MORN4: variants seen among roughly 807,000 people sequenced by gnomAD.
MORN4 encodes the protein MORN repeat-containing protein 4.
A neutral mutation model predicts 16.4 loss-of-function variants in MORN4; 8 were observed. The observed-to-expected ratio is 0.49, with a 90% CI of 0.29 to 0.88. MORN4 has a LOEUF of 0.88. Among genes scored for constraint, MORN4 ranks in the 40% least tolerant of loss-of-function variants. MORN4 has a pLI of 0.09. For synonymous variants in MORN4, 53 were observed against 68.9 expected (o/e 0.77, Z 1.14); for missense variants, 159 against 182.9 (o/e 0.87, Z 0.75).
intron 1 of MORN4, among the ~76,000 whole-genome samples, chr10:97,621,420 A>C (rs2041292483): frequency 6.6e-6 from 1 of 152,234 alleles, no homozygotes; most frequent in Admixed American, 6.5e-5. Flanking sequence ...TGTGTAAGGA[A>C]AATGAATGTG....
At chr10:97,626,392 A>ATAATC (rs2041346966) in intron 1 of MORN4, among the ~76,000 whole-genome samples, 11 of 115,410 alleles carry the variant, frequency 9.5e-5, no homozygotes, top group African/African-American at 2.4e-4. Flanking sequence ...TAATAATAAT[A>ATAATC]ATAATCATAA....
At chr10:97,625,788 G>T (rs1005870297) in intron 1 of MORN4, among the ~76,000 whole-genome samples, 1 of 152,152 alleles carries the variant, frequency 6.6e-6, no homozygotes, top group Non-Finnish European at 1.5e-5. Flanking sequence ...TTTTTAAGGA[G>T]ACAGTGTGTC....
intron 1 of MORN4, among the ~76,000 whole-genome samples, chr10:97,626,402 AT>A (rs1462251230): frequency 8.3e-6 from 1 of 120,858 alleles, no homozygotes; most frequent in African/African-American, 4.3e-5. Context: ...AATAATCATA[AT>A]CATAATCATA....
upstream of MORN4, chr10:97,633,679 C>T: frequency 8.1e-7 from 1 of 1,237,438 alleles, no homozygotes; most frequent in South Asian, 1.4e-5. The surrounding 1 kb of genome is among the most constrained non-coding windows in gnomAD (Gnocchi z 4.5). Context: ...ACAGAGGATC[C>T]AGATCTGGCC....
At chr10:97,633,668 G>A (rs1037969676), upstream of MORN4, 2 of 1,255,932 alleles carry the variant, frequency 1.6e-6, no homozygotes, top group African/African-American at 1.5e-5. The surrounding 1 kb of genome is among the most constrained non-coding windows in gnomAD (Gnocchi z 4.5). Flanking sequence ...CGCAGATAAA[G>A]ACAGAGGATC....
intron 1 of MORN4, among the ~76,000 whole-genome samples, chr10:97,621,261 C>G (rs1015041993): frequency 1.3e-5 from 2 of 152,168 alleles, no homozygotes; most frequent in Non-Finnish European, 2.9e-5. Context: ...CTATGCTAGT[C>G]CTTTTTTCCT....
chr10:97,630,965 C>T (rs2041391053), intron 1 of MORN4, among the ~76,000 whole-genome samples: 2 of 152,208 alleles, frequency 1.3e-5, no homozygotes, highest in African/African-American at 4.8e-5. Context: ...ATCCTCCCAC[C>T]TTAGCCTCCT....
chr10:97,631,041 AG>A (rs1286816833), intron 1 of MORN4, among the ~76,000 whole-genome samples: 1 of 152,168 alleles, frequency 6.6e-6, no homozygotes, highest in African/African-American at 2.4e-5. Flanking sequence ...TGGTAGAGAC[AG>A]GGTTTTACCA....
chr10:97,625,219 A>G (rs998978670), intron 1 of MORN4, among the ~76,000 whole-genome samples: 4 of 152,206 alleles, frequency 2.6e-5, no homozygotes, highest in Non-Finnish European at 5.9e-5. Flanking sequence ...GCTAACTTAT[A>G]CCATACTATC....
Position 97,616,203 on chromosome 10 carries a change from G to A in MORN4, c.*60C>T, listed in dbSNP as rs932510675. The A allele has an allele frequency of 8.2e-6, 12 of 1,470,118 alleles. No homozygotes were observed. Among genetic ancestry groups the A allele is most frequent in the African/African-American group, 4.3e-5 (3 of 70,536 alleles). The allele number at this position is 1,470,118 out of a possible 1,614,324, so 91.1% of individuals were successfully genotyped here. ...CAGCTCTGATTCATTTGTTCACCTCGAATCAACAACAGGGGCACTGGCTTT... is the reference window on the plus strand; with the variant it reads ...CAGCTCTGATTCATTTGTTCACCTCAAATCAACAACAGGGGCACTGGCTTT... On this transcript the variant is annotated 3_prime_UTR_variant, in exon 5 of 5. Transcript: ENST00000307450.
intron 1 of MORN4, among the ~76,000 whole-genome samples, chr10:97,623,484 C>A (rs1306253282): frequency 2.0e-5 from 3 of 152,312 alleles, no homozygotes; most frequent in African/African-American, 7.2e-5. Context: ...AACCTAGAGT[C>A]TGACCCTCAG....
At chr10:97,619,829 C>G (rs2041272364) in intron 1 of MORN4, 146 bp from the exon 2 acceptor site, 1 of 589,572 alleles carries the variant, frequency 1.7e-6, no homozygotes, top group African/African-American at 1.8e-5. Context: ...ACCCCTATCT[C>G]CAACCACCAC....
chr10:97,620,848 C>T (rs999375469), intron 1 of MORN4, among the ~76,000 whole-genome samples: 3 of 152,002 alleles, frequency 2.0e-5, no homozygotes, highest in South Asian at 4.2e-4. Flanking sequence ...ATAGGCCGGG[C>T]GTGGTAGCTC....
intron 1 of MORN4, among the ~76,000 whole-genome samples, chr10:97,626,272 G>C (rs1007371337): frequency 6.6e-6 from 1 of 151,744 alleles, no homozygotes. Context: ...AGCTACTTGA[G>C]AGGCTGAGAC....
chr10:97,627,234 C>T (rs2041356696), intron 1 of MORN4, among the ~76,000 whole-genome samples: 1 of 152,026 alleles, frequency 6.6e-6, no homozygotes, highest in South Asian at 2.1e-4. Flanking sequence ...ACCTTCGTCT[C>T]CTGGGTTCAA....
At chr10:97,633,628 T>C (rs1447294279), upstream of MORN4, 49 of 1,285,874 alleles carry the variant, frequency 3.8e-5, no homozygotes, top group Non-Finnish European at 4.8e-5. This position sits in a 1 kb window ranked among gnomAD's most constrained non-coding sequence, Gnocchi z 4.5. Flanking sequence ...GGGCTGACTA[T>C]GTGAAAGAGG....
rs573898314 is a variant in MORN4 at position 97,619,043 on chromosome 10, G to A, written c.67+544C>T. The stretch of plus-strand genomic sequence containing the variant: ...AATGCTTAGAAGAGAGGCTGGCATG[G>A]GCCGGGCATGGTGGCTGATGCCTGT... On this transcript the variant is annotated intron_variant, in intron 2 of 4. Coordinates refer to ENST00000307450, the MANE Select transcript of MORN4 (RefSeq NM_178832.4). Among the ~76,000 whole-genome samples, 166 of 152,280 alleles carry A rather than the reference G, an allele frequency of 1.1e-3. 1 individual carries two copies. Among genetic ancestry groups the A allele is most frequent in the African/African-American group, 3.9e-3 (161 of 41,552 alleles).
intron 1 of MORN4, 53 bp from the exon 2 acceptor site, chr10:97,619,736 G>T (rs768957490): frequency 1.1e-5 from 15 of 1,419,288 alleles, no homozygotes; most frequent in African/African-American, 1.4e-5. Flanking sequence ...GGGAGGAAAG[G>T]ACTGCAAGGC....
chr10:97,632,474 C>T (rs1253844309), intron 1 of MORN4, among the ~76,000 whole-genome samples: 18 of 152,056 alleles, frequency 1.2e-4, no homozygotes, highest in Non-Finnish European at 1.5e-4. Context: ...GCCTCGGCCT[C>T]CCAAAGTGTT....
Sources: allele counts gnomAD v4.1 joint callset (sites outside exome capture counted in the v4.1 genomes callset), GRCh38; gene constraint gnomAD v4.1.1; non-coding constraint Gnocchi (gnomAD v3.1); transcripts MANE v1.5; gene names NCBI Gene and HGNC (gene_info 2026-07-23, HGNC 2026-07-21).